CACNA2D3: variants seen among roughly 807,000 people sequenced by gnomAD.
CACNA2D3 encodes voltage-dependent calcium channel subunit alpha-2/delta-3.
In CACNA2D3, 60 loss-of-function variants were observed where a neutral mutation model predicts 160.6. The observed-to-expected ratio is 0.37, with a 90% CI of 0.30 to 0.46. The LOEUF (loss-of-function observed/expected upper bound fraction) is 0.46. Among genes scored for constraint, CACNA2D3 ranks in the 20% least tolerant of loss-of-function variants. CACNA2D3 has a pLI of 1.00. For missense variants in CACNA2D3, 1,205 were observed against 1,365.0 expected (o/e 0.88, Z 1.85); for synonymous variants, 558 against 492.9 (o/e 1.13, Z -1.75).
chr3:54,464,856 C>G (rs553276557), intron 4 of CACNA2D3, among the ~76,000 whole-genome samples: 2 of 152,342 alleles, frequency 1.3e-5, no homozygotes, highest in East Asian at 1.9e-4. Flanking sequence ...GAAATCACCC[C>G]TCTTCTGCGT....
intron 14 of CACNA2D3, 56 bp downstream of exon 14, chr3:54,816,926 C>A: frequency 6.4e-7 from 1 of 1,571,244 alleles, no homozygotes; most frequent in Non-Finnish European, 8.7e-7. Context: ...GTCATGCATG[C>A]CTCCATGGTG....
intron 2 of CACNA2D3, among the ~76,000 whole-genome samples, chr3:54,250,106 C>G (rs761071400): frequency 6.6e-6 from 1 of 152,130 alleles, no homozygotes; most frequent in Non-Finnish European, 1.5e-5. Flanking sequence ...GTGTCATTGC[C>G]GCAGTTTTCT....
chr3:54,656,784 C>G (rs748161392), intron 11 of CACNA2D3, among the ~76,000 whole-genome samples: 1 of 152,250 alleles, frequency 6.6e-6, no homozygotes, highest in African/African-American at 2.4e-5. Flanking sequence ...GTTCTCCACA[C>G]AGCAGCAGAG....
chr3:54,726,004 T>G (rs1333750084), intron 11 of CACNA2D3, among the ~76,000 whole-genome samples: 1 of 152,058 alleles, frequency 6.6e-6, no homozygotes, highest in East Asian at 1.9e-4. Context: ...GATTGTGTAT[T>G]TAGAAAACCA....
At position 54,268,793 on chromosome 3, in the gene CACNA2D3, C is replaced by T. The variant is rs142467068; in HGVS notation, c.205-51649C>T. 3.9e-5 allele frequency among the ~76,000 whole-genome samples: 6 copies of T among 152,196 alleles called. 1 individual carries two copies. The highest frequency in any genetic ancestry group is 4.2e-4 in the South Asian group (2 of 4,808). ...TCACCCAGCTAGTAAGTGGCAGAGC[C>T]GGGACTTGAACTCAGCCCTCCCCTT... On this transcript the variant is annotated intron_variant, in intron 2 of 37. Coordinates refer to ENST00000474759, the MANE Select transcript of CACNA2D3 (RefSeq NM_018398.3).
rs1316725638 is a variant in CACNA2D3 at position 54,871,382 on chromosome 3, A to G, written c.1627-157A>G. 2.0e-5 allele frequency among the ~76,000 whole-genome samples: 3 copies of G among 152,182 alleles called. No homozygotes were observed. In the East Asian group the frequency reaches 5.8e-4, roughly 29 times the overall value. On this transcript the variant is annotated intron_variant, in intron 17 of 37. Transcript: ENST00000474759. ...TCTGACCTTGGCTTTCCTGTCATTA[A>G]AAGTCCCTAGGACTGTCACCCTGCT...
intron 4 of CACNA2D3, among the ~76,000 whole-genome samples, chr3:54,481,451 G>A (rs186152097): frequency 6.6e-6 from 1 of 152,304 alleles, no homozygotes; most frequent in Admixed American, 6.5e-5. Flanking sequence ...GGAATTTGGG[G>A]TGGCTTCTCA....
At chr3:55,024,714 C>T (rs1468446649) in intron 35 of CACNA2D3, among the ~76,000 whole-genome samples, 1 of 152,174 alleles carries the variant, frequency 6.6e-6, no homozygotes, top group Admixed American at 6.5e-5. Context: ...TTTGTTATAG[C>T]AGCCTGAATA....
intron 2 of CACNA2D3, among the ~76,000 whole-genome samples, chr3:54,294,141 G>A (rs535504976): frequency 5.9e-5 from 9 of 152,254 alleles, no homozygotes; most frequent in South Asian, 4.1e-4. Flanking sequence ...CCTGATATTC[G>A]CCAGTGCTTT....
At chr3:54,676,819 T>C (rs74557058) in intron 11 of CACNA2D3, among the ~76,000 whole-genome samples, 22,344 of 152,168 alleles carry the variant, frequency 0.15, 2,231 homozygotes, top group Non-Finnish European at 0.21. Flanking sequence ...AGAGGAAAGA[T>C]AGATTGGCCA....
At chr3:54,709,794 C>T (rs1322903234) in intron 11 of CACNA2D3, among the ~76,000 whole-genome samples, 1 of 152,134 alleles carries the variant, frequency 6.6e-6, no homozygotes, top group Non-Finnish European at 1.5e-5. Context: ...GAAATGATGG[C>T]ATGTGCCTGT....
intron 11 of CACNA2D3, among the ~76,000 whole-genome samples, chr3:54,687,141 T>TG (rs1700475393): frequency 2.8e-5 from 2 of 72,304 alleles, no homozygotes; most frequent in Admixed American, 2.2e-4. Context: ...TTTTGTTTTT[T>TG]TTTTTTTTTG....
At chr3:54,187,361 T>C (rs186439708) in intron 2 of CACNA2D3, among the ~76,000 whole-genome samples, 2 of 152,346 alleles carry the variant, frequency 1.3e-5, no homozygotes, top group Non-Finnish European at 1.5e-5. Flanking sequence ...ACAGAGATTT[T>C]AAAGGCTTGA....
chr3:54,341,510 A>G (rs901785952), intron 3 of CACNA2D3, among the ~76,000 whole-genome samples: 10 of 152,246 alleles, frequency 6.6e-5, no homozygotes, highest in African/African-American at 2.4e-4. Flanking sequence ...TGAAGGGGTC[A>G]GGAAGGTTGG....
intron 9 of CACNA2D3, among the ~76,000 whole-genome samples, chr3:54,609,463 G>A (rs533651587): frequency 1.3e-5 from 2 of 152,294 alleles, no homozygotes; most frequent in Non-Finnish European, 2.9e-5. Context: ...AAGTGACAAG[G>A]ATGGCTGTGG....
At chr3:54,233,003 C>T (rs987692759) in intron 2 of CACNA2D3, among the ~76,000 whole-genome samples, 1 of 152,106 alleles carries the variant, frequency 6.6e-6, no homozygotes, top group Non-Finnish European at 1.5e-5. Context: ...TAGTTATACG[C>T]AATAAGGTGA....
chr3:54,796,816 T>G (rs577225005), intron 13 of CACNA2D3, among the ~76,000 whole-genome samples: 38 of 152,244 alleles, frequency 2.5e-4, no homozygotes, highest in African/African-American at 8.7e-4. Context: ...GCTTATTACG[T>G]TTTTCATAGG....
intron 2 of CACNA2D3, among the ~76,000 whole-genome samples, chr3:54,212,051 C>T (rs1215302394): frequency 1.3e-5 from 2 of 152,010 alleles, no homozygotes. Flanking sequence ...GAACAGAAGG[C>T]TCAGGAAATG....
chr3:54,725,184 A>G (rs1417705814), intron 11 of CACNA2D3, among the ~76,000 whole-genome samples: 1 of 152,218 alleles, frequency 6.6e-6, no homozygotes, highest in Non-Finnish European at 1.5e-5. Context: ...AAATTTCTTG[A>G]CACATATACC....
Sources: allele counts gnomAD v4.1 joint callset (sites outside exome capture counted in the v4.1 genomes callset), GRCh38; gene constraint gnomAD v4.1.1; transcripts MANE v1.5; gene names NCBI Gene and HGNC (gene_info 2026-07-23, HGNC 2026-07-21).